ITIH4: variants seen among roughly 807,000 people sequenced by gnomAD.
ITIH4 encodes the protein inter-alpha-trypsin inhibitor heavy chain H4.
Under a neutral mutation model 111.8 loss-of-function variants are expected in ITIH4, and 79 were observed. That is an observed-to-expected ratio of 0.71 (90% CI 0.59 to 0.85). The LOEUF (loss-of-function observed/expected upper bound fraction) is 0.85, where lower values mean the gene tolerates loss of function less well. Among genes scored for constraint, ITIH4 ranks in the 40% least tolerant of loss-of-function variants. The pLI is 0.00. For synonymous variants in ITIH4, 472 were observed against 468.3 expected, an observed-to-expected ratio of 1.01 and a Z score of -0.10; for missense variants, 1,065 against 1,195.8, an observed-to-expected ratio of 0.89 and a Z score of 1.61.
At position 52,829,133 on chromosome 3, in the gene ITIH4, G is replaced by A. The variant is rs1700528744; in HGVS notation, c.237C>T (p.Ile79=). The change falls in exon 2 of 24, where the codon ATC becomes ATT. Residue 79 remains isoleucine (I), a synonymous_variant. Coordinates refer to ENST00000266041, the MANE Select transcript of ITIH4 (RefSeq NM_002218.5). The part of the protein sequence containing the change: ...FQMELPKKAF[I]TNFSMIIDGM... ...AAGGCACCTACATGGAGAAGTTGGT[G>A]ATGAAGGCTTTCTTGGGCAGCTCCA... 6.2e-7 allele frequency: 1 copy of A among 1,609,216 alleles called. No individual in the cohort carries two copies. Among genetic ancestry groups the A allele is most frequent in the African/African-American group, 1.3e-5 (1 of 74,838 alleles).
At chr3:52,819,916 TC>T (rs763930868) in intron 15 of ITIH4, 23 bp downstream of exon 15, 1 of 1,610,892 alleles carries the variant, frequency 6.2e-7, no homozygotes, top group Non-Finnish European at 8.5e-7. Flanking sequence ...CAATCTCCCC[TC>T]CCCCCACCTC....
intron 6 of ITIH4, chr3:52,825,218 T>C: frequency 3.5e-6 from 1 of 282,980 alleles, no homozygotes; most frequent in Non-Finnish European, 6.6e-6. Flanking sequence ...TTCAGATGGT[T>C]TATACTAAAA....
In ITIH4 at chr3:52,827,128, T is replaced by G; in HGVS notation, c.321A>C (p.Ala107=). ...CAGCGCTCTTTCCCTTGGCCACTGC[T>G]GCGCTGTACTGTGCCTGGGCTTCAG... The part of the protein sequence containing the change: ...EKAEAQAQYS[A]AVAKGKSAGL... The change falls in exon 3 of 24, where the codon GCA becomes GCC. Residue 107 remains alanine, a synonymous_variant. Transcript: ENST00000266041. The G allele has an allele frequency of 6.2e-7, 1 of 1,614,212 alleles. No homozygotes were observed. Among genetic ancestry groups the G allele is most frequent in the Non-Finnish European group, 8.5e-7 (1 of 1,180,050 alleles).
intron 1 of ITIH4, chr3:52,829,935 T>TG: frequency 5.1e-6 from 1 of 196,898 alleles, no homozygotes; most frequent in South Asian, 9.8e-5. Flanking sequence ...TTGAGGTCTG[T>TG]GTCCCCCGAG....
chr3:52,814,177 G>C, intron 22 of ITIH4, 32 bp downstream of exon 22: 1 of 1,608,150 alleles, frequency 6.2e-7, no homozygotes, highest in Non-Finnish European at 8.5e-7. Flanking sequence ...GGTTTCTGAG[G>C]AAGGCCTGGG....
At chr3:52,827,917 G>A (rs142914223) in intron 2 of ITIH4, among the ~76,000 whole-genome samples, 1 of 152,342 alleles carries the variant, frequency 6.6e-6, no homozygotes, top group Non-Finnish European at 1.5e-5. Flanking sequence ...GTAGGGATGT[G>A]CCTGGTCAAC....
rs2245538 is a variant in ITIH4 at position 52,818,044 on chromosome 3, T to C, written c.2296+8A>G. ...GTGTCTGGGTCTCTCTGGGTGTGCC[T>C]CTCTCACCTTGCTCAGGGTCTGAGA... On this transcript the variant is annotated splice_region_variant and intron_variant, in intron 20 of 23. Transcript: ENST00000266041. The C allele has an allele frequency of 0.41, 651,536 of 1,603,458 alleles. 137,055 individuals carry two copies. Among genetic ancestry groups the C allele is most frequent in the African/African-American group, 0.67 (49,885 of 74,708 alleles).
chr3:52,825,741 A>C, intron 6 of ITIH4, 145 bp downstream of exon 6: 2 of 876,700 alleles, frequency 2.3e-6, no homozygotes, highest in East Asian at 5.5e-5. Flanking sequence ...AACACAACTA[A>C]ATCACGTGTT....
rs758273850 is a variant in ITIH4, at chr3:52,826,545, G to C, written c.626C>G (p.Thr209Ser). The C allele has an allele frequency of 1.2e-6, 2 of 1,612,236 alleles. No individual in the cohort carries two copies. The highest frequency in any genetic ancestry group is 2.2e-5 in the South Asian group (2 of 91,054). The change falls in exon 5 of 24, where the codon ACC (threonine) becomes AGC (serine). Residue 209 changes from threonine to serine, a missense_variant. Physicochemically the swap from Thr to Ser is moderately conservative, Grantham distance 58 (BLOSUM62 1). Transcript: ENST00000266041. Reference protein sequence around the residue: ...VDALTTWQNKTKAHIRFKPTL... With the variant: ...VDALTTWQNKSKAHIRFKPTL... ...TGCTGACCACAACAGGCCCACCTTGGTCTTATTCTGCCAGGTGGTGAGGGC... is the reference window on the plus strand; with the variant it reads ...TGCTGACCACAACAGGCCCACCTTGCTCTTATTCTGCCAGGTGGTGAGGGC...
At chr3:52,821,379 CG>C (rs1178176498) in intron 11 of ITIH4, among the ~76,000 whole-genome samples, 1 of 152,134 alleles carries the variant, frequency 6.6e-6, no homozygotes, top group Non-Finnish European at 1.5e-5. Context: ...GCAGGCACAG[CG>C]CCAGGACTCA....
In ITIH4 at chr3:52,818,774, C is replaced by T. The variant is rs1035966570; in HGVS notation, c.2078-238G>A. ...GGGATCAGAAAACAGTTCAAGGGAC[C>T]TCTGTTGGCTTTCTGAACGGAGGAA... On this transcript the variant is annotated intron_variant, in intron 17 of 23. Transcript: ENST00000266041. 5 of 551,100 alleles carry T rather than the reference C, an allele frequency of 9.1e-6. No homozygotes were observed. The African/African-American group carries it at 9.5e-5, about 10-fold the overall frequency. 34.1% of individuals were successfully genotyped at this position (551,100 alleles called of 1,614,324 possible). A position where few individuals can be genotyped will look rare whatever the true frequency, so the allele number is the denominator to read the frequency against.
intron 1 of ITIH4, 177 bp downstream of exon 1, chr3:52,830,376 G>C (rs1322151148): frequency 5.6e-6 from 4 of 709,640 alleles, no homozygotes. Context: ...TATTAGGTGG[G>C]AGAATACCAG....
Position 52,827,642 on chromosome 3 carries a change from G to A in ITIH4, c.252-445C>T, listed in dbSNP as rs1700506336. On this transcript the variant is annotated intron_variant, in intron 2 of 23. Transcript: ENST00000266041. ...CCCAGCCCTGCGTGCAGCCGTGTGG[G>A]GCCAGGACTGAGGAGGAAGCAGACG... Among the ~76,000 whole-genome samples, 4 of 152,204 alleles carry A rather than the reference G, an allele frequency of 2.6e-5. No individual in the cohort carries two copies. The South Asian group carries it at 8.3e-4, about 31-fold the overall frequency.
chr3:52,829,092 AG>A, intron 2 of ITIH4, 26 bp downstream of exon 2: 1 of 961,228 alleles, frequency 1.0e-6, no homozygotes. Context: ...GGGTGTGGAG[AG>A]GGGAGGAGGG....
Position 52,820,707 on chromosome 3 carries a change from C to T in ITIH4, c.1758G>A (p.Thr586=), listed in dbSNP as rs768999504. Residue 586 remains threonine (T), a synonymous_variant, in exon 13 of 24, where the codon ACG becomes ACA. Coordinates refer to ENST00000266041, the MANE Select transcript of ITIH4 (RefSeq NM_002218.5). Reference sequence around the variant, plus strand: ...TGGTGACTACCATAGATGTGAGAGGCGTGACAAAGCTGTAGGCAAGTGATA... The same window carrying T: ...TGGTGACTACCATAGATGTGAGAGGTGTGACAAAGCTGTAGGCAAGTGATA... ...LNLSLAYSFV[T]PLTSMVVTKP... is the part of the protein sequence containing the mutation. 1.5e-5 allele frequency: 25 copies of T among 1,613,976 alleles called. No individual in the cohort carries two copies. In the Middle Eastern group the frequency reaches 4.9e-4, roughly 32 times the overall value.
At chr3:52,815,791 C>G (rs563698852) in intron 21 of ITIH4, among the ~76,000 whole-genome samples, 2 of 151,708 alleles carry the variant, frequency 1.3e-5, no homozygotes, top group Non-Finnish European at 2.9e-5. Context: ...CTCCCAGCTT[C>G]AAGCAATTCT....
At chr3:52,826,379 C>T (rs894429214) in intron 5 of ITIH4, among the ~76,000 whole-genome samples, 162 bp downstream of exon 5, 2 of 152,238 alleles carry the variant, frequency 1.3e-5, no homozygotes, top group African/African-American at 4.8e-5. Context: ...TTGCCCTCCC[C>T]ATCTGCCAAA....
intron 10 of ITIH4, 28 bp from the exon 11 acceptor site, chr3:52,823,769 T>G: frequency 1.2e-6 from 2 of 1,613,796 alleles, no homozygotes; most frequent in Non-Finnish European, 1.7e-6. Context: ...TCATAAAGGC[T>G]GGGCTTTATG....
rs768657116 is a variant in ITIH4, at chr3:52,814,086, G to A, written c.2627-15C>T. The A allele has an allele frequency of 6.2e-7, 1 of 1,612,924 alleles. No individual in the cohort carries two copies. The highest frequency in any genetic ancestry group is 1.1e-5 in the South Asian group (1 of 90,934). ...GTAAAACTGGCCTGAGATACAAAGG[G>A]TGGATCAGTAAGGGTCAGAGACAGA... On this transcript the variant is annotated splice_polypyrimidine_tract_variant and intron_variant, in intron 22 of 23. Coordinates refer to ENST00000266041, the MANE Select transcript of ITIH4 (RefSeq NM_002218.5).
Sources: allele counts gnomAD v4.1 joint callset (sites outside exome capture counted in the v4.1 genomes callset), GRCh38; gene constraint gnomAD v4.1.1; transcripts MANE v1.5; gene names NCBI Gene and HGNC (gene_info 2026-07-23, HGNC 2026-07-21).